KPNA1: variants seen among roughly 807,000 people sequenced by gnomAD.
KPNA1 encodes the protein karyopherin subunit alpha 1.
A neutral mutation model predicts 70.5 loss-of-function variants in KPNA1; 10 were observed. The observed-to-expected ratio is 0.14, with a 90% CI of 0.09 to 0.24. The LOEUF is 0.24. Among genes scored for constraint, KPNA1 ranks in the 10% least tolerant of loss-of-function variants. KPNA1 has a pLI of 1.00. For synonymous variants in KPNA1, 192 were observed against 221.9 expected, an observed-to-expected ratio of 0.87 and a Z score of 1.20; for missense variants, 397 against 637.9, an observed-to-expected ratio of 0.62 and a Z score of 4.07.
intron 9 of KPNA1, among the ~76,000 whole-genome samples, chr3:122,446,326 C>T (rs547349477): frequency 3.3e-5 from 5 of 152,324 alleles, no homozygotes; most frequent in African/African-American, 1.2e-4. Context: ...AACTGTCTTT[C>T]AGACCAGAGT....
rs186039279 is a variant in KPNA1 at position 122,440,983 on chromosome 3, A to G, written c.996+1055T>C. 3.2e-4 allele frequency among the ~76,000 whole-genome samples: 48 copies of G among 152,348 alleles called. No individual in the cohort carries two copies. In the East Asian group the frequency reaches 7.5e-3, roughly 24 times the overall value. On this transcript the variant is annotated intron_variant, in intron 10 of 13. Transcript: ENST00000344337. ...AAATCTAATCTCCTTAATTTTAGAG[A>G]TTAGAAAAGGCATTAAATGTATTGC...
Position 122,427,733 on chromosome 3 carries a change from A to T in KPNA1, c.1251-17T>A. ...ACTAGGTACCTAAATACAAAGAATA[A>T]TGTAGTCAAACAAAACTTTTAATTT... On this transcript the variant is annotated splice_polypyrimidine_tract_variant and intron_variant, in intron 12 of 13. Coordinates refer to ENST00000344337, the MANE Select transcript of KPNA1 (RefSeq NM_002264.4). 1 of 1,496,646 alleles carries T rather than the reference A, an allele frequency of 6.7e-7. No homozygotes were observed. Among genetic ancestry groups the T allele is most frequent in the Non-Finnish European group, 9.0e-7 (1 of 1,113,592 alleles). The allele number at this position is 1,496,646 out of a possible 1,614,324, so 92.7% of individuals were successfully genotyped here.
intron 2 of KPNA1, among the ~76,000 whole-genome samples, chr3:122,470,229 T>C (rs576026810): frequency 4.6e-5 from 7 of 152,268 alleles, no homozygotes; most frequent in Admixed American, 3.9e-4. Flanking sequence ...GCTAAATAAG[T>C]AGGCGGGGCA....
chr3:122,482,233 C>T (rs960523436), intron 2 of KPNA1, among the ~76,000 whole-genome samples: 5 of 152,200 alleles, frequency 3.3e-5, no homozygotes, highest in African/African-American at 7.2e-5. Flanking sequence ...ACACTGGAGG[C>T]GATTTTAACC....
intron 12 of KPNA1, among the ~76,000 whole-genome samples, chr3:122,431,782 T>C (rs2075912526): frequency 6.6e-6 from 1 of 151,778 alleles, no homozygotes; most frequent in African/African-American, 2.4e-5. Context: ...AATATATATG[T>C]TTATGGTTTA....
chr3:122,498,097 T>C (rs2076784487), intron 1 of KPNA1, among the ~76,000 whole-genome samples: 2 of 152,236 alleles, frequency 1.3e-5, no homozygotes, highest in African/African-American at 2.4e-5. Context: ...TGCATGTGTC[T>C]ATCCAGCTGT....
At chr3:122,443,314 G>C (rs1360081650) in intron 9 of KPNA1, 1 of 152,354 alleles carries the variant, frequency 6.6e-6, no homozygotes. Flanking sequence ...CTCGAAATGG[G>C]TGGATCCCAC....
chr3:122,444,029 T>A lies in KPNA1; in HGVS notation c.918-1913A>T, dbSNP rs372719403. On this transcript the variant is annotated intron_variant, in intron 9 of 13. Coordinates refer to ENST00000344337, the MANE Select transcript of KPNA1 (RefSeq NM_002264.4). The stretch of plus-strand genomic sequence containing the variant: ...ACCAGGGCGTATTTTATGCCTTATC[T>A]TCAACTGCAAAAGACAGACACTCCC... 7.9e-5 allele frequency among the ~76,000 whole-genome samples: 12 copies of A among 152,348 alleles called. No homozygotes were observed. In the East Asian group the frequency reaches 1.5e-3, roughly 20 times the overall value.
intron 12 of KPNA1, among the ~76,000 whole-genome samples, chr3:122,430,303 GT>G (rs2075883854): frequency 6.6e-6 from 1 of 151,964 alleles, no homozygotes; most frequent in Non-Finnish European, 1.5e-5. Flanking sequence ...GCTGACATCT[GT>G]TTCAATGTTT....
rs1553780068 is a variant in KPNA1, at chr3:122,427,482, C to CAG, written c.1429+55_1429+56insCT. Reference sequence around the variant, plus strand: ...GTAGTAGTATTGTTTTTACTGAACTCTATCTATGACCCAATTCATTCTTGG... The same window carrying CAG: ...GTAGTAGTATTGTTTTTACTGAACTCAGTATCTATGACCCAATTCATTCTTGG... On this transcript the variant is annotated intron_variant, in intron 13 of 13. Coordinates refer to ENST00000344337, the MANE Select transcript of KPNA1 (RefSeq NM_002264.4). 2.0e-6 allele frequency: 3 copies of CAG among 1,517,028 alleles called. No individual in the cohort carries two copies. The African/African-American group carries it at 4.1e-5, about 21-fold the overall frequency. The allele number at this position is 1,517,028 out of a possible 1,614,324, so 94.0% of individuals were successfully genotyped here.
chr3:122,447,146 G>C (rs539835235), intron 9 of KPNA1, among the ~76,000 whole-genome samples: 2 of 152,276 alleles, frequency 1.3e-5, no homozygotes, highest in African/African-American at 2.4e-5. Flanking sequence ...CAGAAAAAGA[G>C]GGAATCCTAC....
rs967225626 is a variant in KPNA1 at position 122,424,326 on chromosome 3, C to G, written c.*2659G>C. 2.0e-5 allele frequency: 3 copies of G among 152,194 alleles called. No homozygotes were observed. The highest frequency in any genetic ancestry group is 7.2e-5 in the African/African-American group (3 of 41,534). 9.4% of individuals were successfully genotyped at this position (152,194 alleles called of 1,614,324 possible). A position where few individuals can be genotyped will look rare whatever the true frequency, so the allele number is the denominator to read the frequency against. On this transcript the variant is annotated 3_prime_UTR_variant, in exon 14 of 14. Coordinates refer to ENST00000344337, the MANE Select transcript of KPNA1 (RefSeq NM_002264.4). Reference sequence around the variant, plus strand: ...AACTAAGTTAACAGAATCTGAGAGGCAAAGAACTAAAAACAGGATATACAG... The same window carrying G: ...AACTAAGTTAACAGAATCTGAGAGGGAAAGAACTAAAAACAGGATATACAG...
At chr3:122,477,200 T>A (rs914102238) in intron 2 of KPNA1, among the ~76,000 whole-genome samples, 3 of 152,272 alleles carry the variant, frequency 2.0e-5, no homozygotes, top group Admixed American at 6.5e-5. Flanking sequence ...CATCTCACTT[T>A]TATGTGGAAT....
rs771734934 is a variant in KPNA1 at position 122,467,374 on chromosome 3, A to T, written c.185T>A (p.Met62Lys). Reference sequence around the variant, plus strand: ...AGCCTCATGAAAGCCTCCATCTGACATAACTTCTTCTTCTGTTTCTTCTTC... The same window carrying T: ...AGCCTCATGAAAGCCTCCATCTGACTTAACTTCTTCTTCTGTTTCTTCTTC... ...TAEEETEEEV[M>K]SDGGFHEAQI... The change falls in exon 3 of 14, where the codon ATG becomes AAG. Residue 62 changes from methionine (M) to lysine (K), a missense_variant. Physicochemically the swap from Met to Lys is moderately conservative, Grantham distance 95. Coordinates refer to ENST00000344337, the MANE Select transcript of KPNA1 (RefSeq NM_002264.4). The T allele has an allele frequency of 6.2e-7, 1 of 1,610,936 alleles. No individual in the cohort carries two copies. The highest frequency in any genetic ancestry group is 8.5e-7 in the Non-Finnish European group (1 of 1,177,874).
chr3:122,444,690 T>G (rs1043304113), intron 9 of KPNA1, among the ~76,000 whole-genome samples: 1 of 152,052 alleles, frequency 6.6e-6, no homozygotes, highest in Non-Finnish European at 1.5e-5. Flanking sequence ...AGAGAAAATA[T>G]CAGGCAGCAA....
intron 2 of KPNA1, among the ~76,000 whole-genome samples, chr3:122,493,338 A>G (rs1448391503): frequency 2.1e-5 from 3 of 146,172 alleles, no homozygotes. Flanking sequence ...CTACCCCACA[A>G]TGATAAAAGG....
chr3:122,427,522 A>G lies in KPNA1; in HGVS notation c.1429+16T>C, dbSNP rs746880072. On this transcript the variant is annotated intron_variant, in intron 13 of 13. Transcript: ENST00000344337. ...TTCATTCTTGGCCATAAACTTCTTC[A>G]ACCAAAGCATCTTACCATAAGCTTC... is the stretch of plus-strand genomic sequence containing the variant. 1 of 1,604,940 alleles carries G rather than the reference A, an allele frequency of 6.2e-7. No homozygotes were observed. The highest frequency in any genetic ancestry group is 8.5e-7 in the Non-Finnish European group (1 of 1,175,450).
chr3:122,446,405 C>A (rs1184742784), intron 9 of KPNA1, among the ~76,000 whole-genome samples: 2 of 152,212 alleles, frequency 1.3e-5, no homozygotes, highest in Non-Finnish European at 2.9e-5. Context: ...AACTGAACAA[C>A]CTGATCCTGA....
intron 10 of KPNA1, among the ~76,000 whole-genome samples, chr3:122,439,702 G>A (rs1244068921): frequency 1.3e-5 from 2 of 152,154 alleles, no homozygotes; most frequent in African/African-American, 2.4e-5. Context: ...AAATTGAGAA[G>A]AGTAACTGCT....
Sources: allele counts gnomAD v4.1 joint callset (sites outside exome capture counted in the v4.1 genomes callset), GRCh38; gene constraint gnomAD v4.1.1; transcripts MANE v1.5; gene names NCBI Gene and HGNC (gene_info 2026-07-23, HGNC 2026-07-21).